The following CPVL variants were observed in gnomAD, a reference collection of about 807,000 sequenced individuals.
CPVL encodes the protein probable serine carboxypeptidase CPVL.
CPVL carries 51 observed loss-of-function variants against 63.7 expected under a neutral mutation model. The ratio of observed to expected loss-of-function variants is 0.80; its 90% CI spans 0.64 to 1.01. CPVL has a LOEUF of 1.01. Ranked by LOEUF, CPVL falls within the 50% of genes least tolerant of loss-of-function variation. The pLI, the probability that CPVL is intolerant of heterozygous loss-of-function variation, is 0.00. For missense variants in CPVL, 530 were observed against 573.1 expected (o/e 0.92, Z 0.77); for synonymous variants, 195 against 206.0 (o/e 0.95, Z 0.46).
At chr7:29,066,247 C>G (rs1429666680) in intron 9 of CPVL, 126 bp from the exon 10 acceptor site, 1 of 610,704 alleles carries the variant, frequency 1.6e-6, no homozygotes, top group East Asian at 2.8e-5. Context: ...ATCCAGCGCC[C>G]ACTTATTGTG....
At chr7:29,174,273 A>G (rs1030135015) in intron 5 of CPVL, among the ~76,000 whole-genome samples, 26 of 152,144 alleles carry the variant, frequency 1.7e-4, no homozygotes, top group African/African-American at 5.6e-4. Flanking sequence ...CTGCCTCTGG[A>G]GGGGGGCCAG....
intron 11 of CPVL, among the ~76,000 whole-genome samples, chr7:29,042,021 G>T (rs1194389590): frequency 6.6e-6 from 1 of 151,958 alleles, no homozygotes; most frequent in Admixed American, 6.6e-5. Flanking sequence ...TATACCTTGG[G>T]TTTGGTATAT....
chr7:29,007,327 G>T (rs1785288397), intron 12 of CPVL, among the ~76,000 whole-genome samples: 1 of 152,158 alleles, frequency 6.6e-6, no homozygotes, highest in Non-Finnish European at 1.5e-5. Context: ...CCTCTCTAAT[G>T]AAATAGAACC....
At chr7:29,026,221 T>C (rs568997018) in intron 12 of CPVL, among the ~76,000 whole-genome samples, 36 of 152,158 alleles carry the variant, frequency 2.4e-4, no homozygotes, top group African/African-American at 7.7e-4. Context: ...TGAATGACCA[T>C]TGAATCAATT....
intron 2 of CPVL, among the ~76,000 whole-genome samples, chr7:29,116,720 G>T (rs751345599): frequency 6.6e-6 from 1 of 152,182 alleles, no homozygotes; most frequent in Non-Finnish European, 1.5e-5. Flanking sequence ...GTGTGAAAAT[G>T]CAGTGTTTAT....
intron 6 of CPVL, among the ~76,000 whole-genome samples, chr7:29,089,778 G>C (rs1785583879): frequency 6.6e-6 from 1 of 152,100 alleles, no homozygotes; most frequent in African/African-American, 2.4e-5. Context: ...CTAGGCAGTA[G>C]CCCTGCAGGA....
intron 3 of CPVL, among the ~76,000 whole-genome samples, chr7:29,111,439 T>C (rs1018910035): frequency 6.6e-6 from 1 of 152,184 alleles, no homozygotes; most frequent in East Asian, 1.9e-4. Flanking sequence ...ACCTTGCACT[T>C]GTATGACCCT....
intron 7 of CPVL, among the ~76,000 whole-genome samples, chr7:29,084,101 T>A (rs1173634238): frequency 2.0e-5 from 3 of 152,158 alleles, no homozygotes; most frequent in Non-Finnish European, 1.5e-5. Flanking sequence ...ATACTCAATA[T>A]ATCTGTGCTC....
Position 29,072,392 on chromosome 7 carries a change from G to T in CPVL, c.641C>A (p.Ala214Glu), listed in dbSNP as rs754736545. 6.2e-7 allele frequency: 1 copy of T among 1,614,030 alleles called. No homozygotes were observed. Among genetic ancestry groups the T allele is most frequent in the Admixed American group, 1.7e-5 (1 of 60,026 alleles). ...AGGGTTGAGGGAATGGATGAGGTGT[G>T]CAATGGCTGGCACATATTTCCCTGC... ...SYAGKYVPAI[A>E]HLIHSLNPVR... is the part of the protein sequence containing the mutation. Residue 214 changes from alanine to glutamate, a missense_variant, in exon 8 of 13, where the codon GCA becomes GAA. Transcript: ENST00000265394.
chr7:29,159,434 A>G (rs747577063), intron 5 of CPVL, among the ~76,000 whole-genome samples: 5 of 152,224 alleles, frequency 3.3e-5, no homozygotes, highest in Non-Finnish European at 1.5e-5. Context: ...TTGGAAAACT[A>G]TCTGCCTTGA....
At chr7:29,126,264 T>C (rs970560053) in intron 1 of CPVL, 7 of 152,212 alleles carry the variant, frequency 4.6e-5, no homozygotes, top group Admixed American at 3.9e-4. Flanking sequence ...TGAAATCAAC[T>C]ATGGTAGGAG....
chr7:29,097,672 G>A (rs886710202), intron 3 of CPVL, among the ~76,000 whole-genome samples: 2 of 152,174 alleles, frequency 1.3e-5, no homozygotes, highest in Admixed American at 6.5e-5. Context: ...CTCAAGCCTG[G>A]GCAACAAGAG....
chr7:29,101,936 T>G (rs1199745892), intron 3 of CPVL, among the ~76,000 whole-genome samples: 1 of 152,066 alleles, frequency 6.6e-6, no homozygotes, highest in East Asian at 1.9e-4. Flanking sequence ...TTTATATCAA[T>G]ACATATCATT....
chr7:29,013,554 T>G (rs1433426659), intron 12 of CPVL, among the ~76,000 whole-genome samples: 1 of 152,218 alleles, frequency 6.6e-6, no homozygotes, highest in Admixed American at 6.5e-5. Flanking sequence ...GAGAGCTTAG[T>G]CAAAATTTTA....
chr7:29,112,789 C>A lies in CPVL; in HGVS notation c.203G>T (p.Gly68Val). 1 of 1,613,686 alleles carries A rather than the reference C, an allele frequency of 6.2e-7. No individual in the cohort carries two copies. Among genetic ancestry groups the A allele is most frequent in the African/African-American group, 1.3e-5 (1 of 74,918 alleles). ...RELSLVGPFP[G>V]LNMKSYAGFL... ...GCCGGCATAACTCTTCATGTTCAGTCCTGGGAAAGGGCCGACCAAACTCAA... is the reference window on the plus strand; with the variant it reads ...GCCGGCATAACTCTTCATGTTCAGTACTGGGAAAGGGCCGACCAAACTCAA... The change falls in exon 3 of 13, where the codon GGA becomes GTA. Residue 68 changes from glycine to valine, a missense_variant. Transcript: ENST00000265394.
intron 7 of CPVL, among the ~76,000 whole-genome samples, chr7:29,083,929 CCTTTTTTTTT>C (rs1161934824): frequency 1.3e-5 from 2 of 151,960 alleles, no homozygotes; most frequent in Admixed American, 1.3e-4. Context: ...CTAATTTTTT[CCTTTTTTTTT>C]CTTTTTTCAA....
At chr7:29,065,417 G>T (rs372894553) in intron 10 of CPVL, among the ~76,000 whole-genome samples, 3 of 152,268 alleles carry the variant, frequency 2.0e-5, no homozygotes, top group East Asian at 3.9e-4. Context: ...ATTAGACAAA[G>T]ATTATACAAA....
At chr7:29,112,624 T>G in intron 3 of CPVL, 80 bp downstream of exon 3, 3 of 885,156 alleles carry the variant, frequency 3.4e-6, no homozygotes, top group Non-Finnish European at 5.5e-6. Context: ...TAAAGACCTG[T>G]AGCTCGGTAG....
chr7:29,049,291 G>C (rs570458145), intron 11 of CPVL, among the ~76,000 whole-genome samples: 4 of 152,056 alleles, frequency 2.6e-5, no homozygotes, highest in South Asian at 4.2e-4. Flanking sequence ...AACAAGAAGA[G>C]AGAAAATCCA....
Sources: allele counts gnomAD v4.1 joint callset (sites outside exome capture counted in the v4.1 genomes callset), GRCh38; gene constraint gnomAD v4.1.1; transcripts MANE v1.5; gene names NCBI Gene and HGNC (gene_info 2026-07-23, HGNC 2026-07-21).